The following RBFOX1 variants were observed in gnomAD, a reference collection of about 807,000 sequenced individuals.
RBFOX1 encodes RNA binding fox-1 homolog 1, also known as RNA binding protein fox-1 homolog 1.
RBFOX1 carries 8 observed loss-of-function variants against 57.7 expected under a neutral mutation model. That is an observed-to-expected ratio of 0.14 (90% CI 0.08 to 0.25). The LOEUF is 0.25. Ranked by LOEUF, RBFOX1 falls within the 10% of genes least tolerant of loss-of-function variation. The pLI is 1.00. For synonymous variants in RBFOX1, 326 were observed against 222.4 expected, an observed-to-expected ratio of 1.47 and a Z score of -4.15; for missense variants, 611 against 548.5, an observed-to-expected ratio of 1.11 and a Z score of -1.14.
At chr16:7,474,558 T>A (rs2062234693) in intron 4 of RBFOX1, among the ~76,000 whole-genome samples, 1 of 152,212 alleles carries the variant, frequency 6.6e-6, no homozygotes, top group African/African-American at 2.4e-5. Context: ...TTTGCCTTTT[T>A]ATTTTTAAAA....
At chr16:5,338,701 C>G (rs72775802) in intron 1 of RBFOX1, among the ~76,000 whole-genome samples, 3 of 152,126 alleles carry the variant, frequency 2.0e-5, no homozygotes, top group African/African-American at 7.2e-5. Context: ...ATCTATCACC[C>G]AGGCTGGAGT....
chr16:5,601,304 CTA>C (rs1247983930), downstream of RBFOX1: 1 of 152,348 alleles, frequency 6.6e-6, no homozygotes, highest in Non-Finnish European at 1.5e-5. Flanking sequence ...CACCTAACAG[CTA>C]TTGTCAGGAG....
chr16:7,486,017 C>G lies in RBFOX1; in HGVS notation c.28-32130C>G, dbSNP rs147559673. ...AGAGCTGAAAGTGTTTCCTGTCTGG[C>G]TCTTTACAGGAAAACACAATTTCTG... On this transcript the variant is annotated intron_variant, in intron 4 of 15. Transcript: ENST00000550418. 2.7e-3 allele frequency among the ~76,000 whole-genome samples: 410 copies of G among 152,058 alleles called. 3 individuals carry two copies. Among genetic ancestry groups the G allele is most frequent in the African/African-American group, 9.5e-3 (392 of 41,476 alleles).
chr16:7,040,856 G>T (rs1312958873), intron 3 of RBFOX1, among the ~76,000 whole-genome samples: 1 of 152,126 alleles, frequency 6.6e-6, no homozygotes, highest in East Asian at 1.9e-4. Flanking sequence ...ATGGGCCAAA[G>T]ACAGCTCACT....
intron 4 of RBFOX1, among the ~76,000 whole-genome samples, chr16:7,318,015 G>A (rs777550863): frequency 2.4e-4 from 37 of 151,840 alleles, no homozygotes; most frequent in Non-Finnish European, 4.6e-4. Flanking sequence ...TGACGGTAGC[G>A]ATGATGGTGA....
intron 15 of RBFOX1, 118 bp downstream of exon 15, chr16:7,709,249 G>A (rs1034124744): frequency 2.2e-5 from 23 of 1,050,458 alleles, no homozygotes; most frequent in Non-Finnish European, 2.8e-5. Context: ...TGTCTCTTGT[G>A]CTAACAGCAG....
chr16:5,308,197 C>G (rs1379307106), intron 1 of RBFOX1, among the ~76,000 whole-genome samples: 1 of 151,946 alleles, frequency 6.6e-6, no homozygotes, highest in African/African-American at 2.4e-5. Context: ...AAAAATTAGC[C>G]AGGCATGGTG....
chr16:6,808,621 A>G (rs1159999021), intron 3 of RBFOX1, among the ~76,000 whole-genome samples: 2 of 152,182 alleles, frequency 1.3e-5, no homozygotes, highest in East Asian at 3.9e-4. Context: ...TTTAATGTAA[A>G]TTTTGAATAG....
chr16:6,641,192 C>G (rs1038792385), intron 2 of RBFOX1, among the ~76,000 whole-genome samples: 1 of 152,142 alleles, frequency 6.6e-6, no homozygotes, highest in African/African-American at 2.4e-5. Flanking sequence ...CAAACTGCAT[C>G]TTGGCTGTTT....
At chr16:6,819,733 A>AAAAC (rs2090924910) in intron 3 of RBFOX1, among the ~76,000 whole-genome samples, 1 of 77,296 alleles carries the variant, frequency 1.3e-5, no homozygotes, top group African/African-American at 4.8e-5. Context: ...AAAAAAAAAT[A>AAAAC]ACAACACCAA....
chr16:7,136,502 G>C lies in RBFOX1; in HGVS notation c.27+84404G>C, dbSNP rs550205089. Among the ~76,000 whole-genome samples, 3 of 151,234 alleles carry C rather than the reference G, an allele frequency of 2.0e-5. No homozygotes were observed. The East Asian group carries it at 5.9e-4, about 30-fold the overall frequency. On this transcript the variant is annotated intron_variant, in intron 4 of 15. Coordinates refer to ENST00000550418, the MANE Select transcript of RBFOX1 (RefSeq NM_018723.4). ...GTGCAATACAGCCTTAAACTCCTGGGCTAAAGTGATTTTCTAACCTCATCC... is the reference window on the plus strand; with the variant it reads ...GTGCAATACAGCCTTAAACTCCTGGCCTAAAGTGATTTTCTAACCTCATCC...
intron 4 of RBFOX1, among the ~76,000 whole-genome samples, chr16:7,164,084 T>C (rs1433224051): frequency 6.6e-6 from 1 of 152,180 alleles, no homozygotes; most frequent in Non-Finnish European, 1.5e-5. Context: ...GTGTACACTG[T>C]ACCCAGTGTG....
chr16:5,827,936 TCCAC>T (rs1200206984), intron 3 of RBFOX1, among the ~76,000 whole-genome samples: 15 of 106,780 alleles, frequency 1.4e-4, no homozygotes, highest in African/African-American at 3.7e-4. Flanking sequence ...CACCCACCCA[TCCAC>T]CCACCCACCC....
intron 4 of RBFOX1, among the ~76,000 whole-genome samples, chr16:5,987,286 G>A (rs572730652): frequency 6.6e-5 from 10 of 151,952 alleles, no homozygotes; most frequent in African/African-American, 9.7e-5. Flanking sequence ...TTATTCATTC[G>A]TTATTGTGGG....
rs190027095 is a variant in RBFOX1 at position 5,806,650 on chromosome 16, C to G, written c.319-60653C>G. On this transcript the variant is annotated intron_variant, in intron 3 of 19. Coordinates refer to the RBFOX1 transcript ENST00000641259. ...AAAAATCAAGCCCAAGACAGTGAAA[C>G]CAGCTATTGGAAGTTCATTAAGGAA... 5.1e-4 allele frequency among the ~76,000 whole-genome samples: 78 copies of G among 152,316 alleles called. 1 individual carries two copies. Among genetic ancestry groups the G allele is most frequent in the African/African-American group, 1.8e-3 (73 of 41,566 alleles).
At position 6,405,799 on chromosome 16, in the gene RBFOX1, A is replaced by G. The variant is rs1299999791; in HGVS notation, c.-64+88742A>G. Among the ~76,000 whole-genome samples, 4 of 152,342 alleles carry G rather than the reference A, an allele frequency of 2.6e-5. No homozygotes were observed. In the East Asian group the frequency reaches 7.7e-4, roughly 29 times the overall value. ...TATTTTTACATTTGTTTCAAGGAGT[A>G]GTGGCAGGGATGTATTATTTAATAA... On this transcript the variant is annotated intron_variant, in intron 2 of 15. Coordinates refer to ENST00000550418, the MANE Select transcript of RBFOX1 (RefSeq NM_018723.4).
chr16:6,153,794 C>G (rs981378106), intron 1 of RBFOX1, among the ~76,000 whole-genome samples: 4 of 152,318 alleles, frequency 2.6e-5, no homozygotes, highest in African/African-American at 9.6e-5. Context: ...CCTCTTCCTC[C>G]CAAAGTGCTG....
chr16:5,277,552 C>G (rs1169785462), intron 1 of RBFOX1, among the ~76,000 whole-genome samples: 3 of 152,118 alleles, frequency 2.0e-5, no homozygotes, highest in East Asian at 3.8e-4. Context: ...ATTAATCAAC[C>G]TCTTTTCAAA....
At chr16:7,079,047 A>C (rs920848703) in intron 4 of RBFOX1, among the ~76,000 whole-genome samples, 8 of 151,584 alleles carry the variant, frequency 5.3e-5, no homozygotes, top group Admixed American at 3.3e-4. Context: ...TTGGGGGGAA[A>C]CATGGTTCAA....
Sources: allele counts gnomAD v4.1 joint callset (sites outside exome capture counted in the v4.1 genomes callset), GRCh38; gene constraint gnomAD v4.1.1; transcripts MANE v1.5; gene names NCBI Gene and HGNC (gene_info 2026-07-23, HGNC 2026-07-21).